The following MYOM3 variants were observed in gnomAD, a reference collection of about 807,000 sequenced individuals.
MYOM3 encodes myomesin-3.
A neutral mutation model predicts 191.7 loss-of-function variants in MYOM3; 155 were observed. The ratio of observed to expected loss-of-function variants is 0.81; its 90% confidence interval spans 0.71 to 0.92. The LOEUF (loss-of-function observed/expected upper bound fraction) is 0.92, where lower values mean the gene tolerates loss of function less well. Ranked by LOEUF, MYOM3 falls within the 40% of genes least tolerant of loss-of-function variation. MYOM3 has a pLI of 0.00. For missense variants in MYOM3, 1,889 were observed against 1,890.6 expected, an observed-to-expected ratio of 1.00 and a Z score of 0.02; for synonymous variants, 757 against 762.9, an observed-to-expected ratio of 0.99 and a Z score of 0.13.
chr1:24,100,507 C>T (rs1643904271), intron 5 of MYOM3, among the ~76,000 whole-genome samples: 1 of 152,054 alleles, frequency 6.6e-6, no homozygotes, highest in Non-Finnish European at 1.5e-5. Context: ...GAAGGAACCC[C>T]AGACCCCTGC....
At position 24,081,328 on chromosome 1, in the gene MYOM3, A is replaced by T; in HGVS notation, c.2407+2T>A. On this transcript the variant is annotated splice_donor_variant, in intron 19 of 36. Coordinates refer to ENST00000374434, the MANE Select transcript of MYOM3 (RefSeq NM_152372.4). LOFTEE classifies it high-confidence loss of function. ...TGGACTTCAGGCCTGCAGGCCTCTCACCTGGCTGGGGCATTGTCCACTCTT... is the reference window on the plus strand; with the variant it reads ...TGGACTTCAGGCCTGCAGGCCTCTCTCCTGGCTGGGGCATTGTCCACTCTT... 1 of 1,613,570 alleles carries T rather than the reference A, an allele frequency of 6.2e-7. No individual in the cohort carries two copies. Among genetic ancestry groups the T allele is most frequent in the Non-Finnish European group, 8.5e-7 (1 of 1,179,972 alleles).
intron 19 of MYOM3, 72 bp downstream of exon 19, chr1:24,081,258 C>T: frequency 6.4e-7 from 1 of 1,566,794 alleles, no homozygotes; most frequent in Middle Eastern, 2.3e-4. Context: ...GAGCGGCAAC[C>T]TTCATCTCAT....
intron 35 of MYOM3, among the ~76,000 whole-genome samples, chr1:24,059,507 T>G (rs7549149): frequency 0.31 from 46,403 of 152,062 alleles, 8,222 homozygotes; most frequent in African/African-American, 0.48. Context: ...GACATAGTGT[T>G]TTTCTGCCAC....
chr1:24,082,704 G>C lies in MYOM3; in HGVS notation c.1981C>G (p.Pro661Ala). The stretch of plus-strand genomic sequence containing the variant: ...TACTCCTTCCCCGTCCTCAGCCCGG[G>C]AACTGTAAACCTGGGAGAGAAATGT... ...KPIQGTRFTVPGLRTGKEYEF... is the reference protein window; with the variant it reads ...KPIQGTRFTVAGLRTGKEYEF... Residue 661 changes from proline to alanine, a missense_variant, in exon 17 of 37, where the codon CCC (proline) becomes GCC (alanine). Pro to Ala is a conservative substitution (Grantham distance 27). Coordinates refer to ENST00000374434, the MANE Select transcript of MYOM3 (RefSeq NM_152372.4). The C allele has an allele frequency of 6.2e-7, 1 of 1,605,338 alleles. No individual in the cohort carries two copies.
rs143532465 is a variant in MYOM3 at position 24,092,304 on chromosome 1, C to T, written c.1102G>A (p.Glu368Lys). Residue 368 changes from glutamate (E) to lysine (K), a missense_variant, in exon 11 of 37, where the codon GAG becomes AAG. Glu to Lys is a moderately conservative substitution (Grantham distance 56). Coordinates refer to ENST00000374434, the MANE Select transcript of MYOM3 (RefSeq NM_152372.4). ...TYVLVRDAEA[E>K]NPGAPGSPLN... ...GGGGAGCCTGGGGCCCCGGGGTTCT[C>T]GGCCTCGGCATCTGAAACCCGGGGG... 1.0e-4 allele frequency: 141 copies of T among 1,353,710 alleles called. 1 individual carries two copies. Among genetic ancestry groups the T allele is most frequent in the Middle Eastern group, 9.6e-4 (4 of 4,178 alleles). 83.9% of individuals were successfully genotyped at this position (1,353,710 alleles called of 1,614,324 possible). A position where few individuals can be genotyped will look rare whatever the true frequency, so the allele number is the denominator to read the frequency against.
chr1:24,065,805 G>T, intron 29 of MYOM3, 86 bp downstream of exon 29: 1 of 1,028,256 alleles, frequency 9.7e-7, no homozygotes, highest in Non-Finnish European at 1.6e-6. Flanking sequence ...CCTCGGCCCT[G>T]CCCTGACTCC....
At chr1:24,098,056 C>T in intron 6 of MYOM3, 45 bp from the exon 7 acceptor site, 1 of 1,263,078 alleles carries the variant, frequency 7.9e-7, no homozygotes, top group Non-Finnish European at 1.2e-6. Flanking sequence ...CTGCTGGGCT[C>T]CATGGGAAAC....
chr1:24,090,764 T>C, intron 12 of MYOM3, 33 bp downstream of exon 12: 1 of 1,608,372 alleles, frequency 6.2e-7, no homozygotes, highest in East Asian at 2.2e-5. Flanking sequence ...CTGACTGATG[T>C]TCTAGAAAGT....
intron 20 of MYOM3, among the ~76,000 whole-genome samples, chr1:24,077,186 T>C (rs911176520): frequency 6.6e-6 from 1 of 152,204 alleles, no homozygotes; most frequent in African/African-American, 2.4e-5. Context: ...TGATTGAGGC[T>C]TTGTTTCTCC....
intron 27 of MYOM3, 50 bp downstream of exon 27, chr1:24,067,920 A>T: frequency 6.3e-7 from 1 of 1,578,086 alleles, no homozygotes; most frequent in Non-Finnish European, 8.7e-7. Context: ...CAGCATCTCT[A>T]GCACGAACCA....
Position 24,063,360 on chromosome 1 carries a change from G to T in MYOM3, c.3662-126C>A, listed in dbSNP as rs750634446. On this transcript the variant is annotated intron_variant, in intron 31 of 36. Coordinates refer to ENST00000374434, the MANE Select transcript of MYOM3 (RefSeq NM_152372.4). This position sits in a 1 kb window ranked among gnomAD's most constrained non-coding sequence, Gnocchi z 4.5. ...GGGGGAAATGCAGTGCTGTGAAGAG[G>T]CGGGATTTTCTCTTCGGTGTTTGAG... 52 of 1,384,108 alleles carry T rather than the reference G, an allele frequency of 3.8e-5. No homozygotes were observed. The highest frequency in any genetic ancestry group is 5.3e-5 in the Non-Finnish European group (52 of 974,548). The allele number at this position is 1,384,108 out of a possible 1,614,324, so 85.7% of individuals were successfully genotyped here. A position where few individuals can be genotyped will look rare whatever the true frequency, so the allele number is the denominator to read the frequency against.
At chr1:24,092,372 C>A (rs1298663747) in intron 10 of MYOM3, 57 bp from the exon 11 acceptor site, 1 of 1,320,178 alleles carries the variant, frequency 7.6e-7, no homozygotes, top group East Asian at 2.8e-5. Context: ...TGGTGACAGG[C>A]CCTTCCCACT....
intron 28 of MYOM3, chr1:24,066,392 T>C (rs1253812949): frequency 1.9e-5 from 12 of 619,852 alleles, no homozygotes; most frequent in Non-Finnish European, 2.9e-5. Context: ...TCATCATCTT[T>C]GTACGTTCAG....
chr1:24,083,228 C>G (rs1643696041), intron 16 of MYOM3: 1 of 152,308 alleles, frequency 6.6e-6, no homozygotes, highest in Non-Finnish European at 1.5e-5. Flanking sequence ...ACCTCTTTCT[C>G]TCTCTTCACC....
At position 24,058,946 on chromosome 1, in the gene MYOM3, A is replaced by C; in HGVS notation, c.4028T>G (p.Val1343Gly). 6.2e-7 allele frequency: 1 copy of C among 1,612,064 alleles called. No individual in the cohort carries two copies. The highest frequency in any genetic ancestry group is 8.5e-7 in the Non-Finnish European group (1 of 1,179,352). ...RAKVVRGLPD[V>G]ATIMEDKTLC... ...TACCTTATCTTCCATGATAGTGGCC[A>C]CATCCGGCAGACCTCTCACCACTTT... The change falls in exon 36 of 37, where the codon GTG becomes GGG. Residue 1343 changes from valine (V) to glycine (G), a missense_variant. Coordinates refer to ENST00000374434, the MANE Select transcript of MYOM3 (RefSeq NM_152372.4).
At chr1:24,076,068 G>T in intron 21 of MYOM3, 91 bp downstream of exon 21, 2 of 982,046 alleles carry the variant, frequency 2.0e-6, no homozygotes, top group Non-Finnish European at 1.6e-6. Context: ...GCCTAGCACA[G>T]CATCAGGCTT....
rs1479358690 is a variant in MYOM3, at chr1:24,071,131, TCTC to T, written c.3133_3135del (p.Glu1045del). 1.2e-6 allele frequency: 2 copies of T among 1,613,722 alleles called. No homozygotes were observed. Among genetic ancestry groups the T allele is most frequent in the Non-Finnish European group, 8.5e-7 (1 of 1,179,824 alleles). On this transcript the variant is annotated inframe_deletion, in exon 25 of 37. Transcript: ENST00000374434. ...CACCCAATTACCGGCGAGCTGAAGA[TCTC>T]CTTGTTGTTGAAGATTAGATGTAGC...
chr1:24,076,615 G>A (rs542325408), intron 20 of MYOM3, among the ~76,000 whole-genome samples: 1 of 84,512 alleles, frequency 1.2e-5, no homozygotes, highest in South Asian at 3.4e-4. Context: ...CCGGGTTCAC[G>A]CCATTCTCCT....
At position 24,063,965 on chromosome 1, in the gene MYOM3, A is replaced by G; in HGVS notation, c.3622+107T>C. 1 of 874,490 alleles carries G rather than the reference A, an allele frequency of 1.1e-6. No individual in the cohort carries two copies. The highest frequency in any genetic ancestry group is 1.8e-6 in the Non-Finnish European group (1 of 550,414). The allele number at this position is 874,490 out of a possible 1,614,324, so 54.2% of individuals were successfully genotyped here. A position where few individuals can be genotyped will look rare whatever the true frequency, so the allele number is the denominator to read the frequency against. ...AGTTACTTAATCTCTTTGTGCCTCA[A>G]TTTCTCCAAGTGACATGGGGATCCC... On this transcript the variant is annotated intron_variant, in intron 30 of 36. Transcript: ENST00000374434. The surrounding 1 kb of genome is among the most constrained non-coding windows in gnomAD (Gnocchi z 4.5).
Sources: gnomAD v4.1 joint callset for allele counts (sites outside exome capture counted in the v4.1 genomes callset) on GRCh38, gnomAD v4.1.1 for gene constraint, Gnocchi (gnomAD v3.1) non-coding constraint, MANE v1.5 for transcripts, NCBI Gene and HGNC (gene_info 2026-07-23, HGNC 2026-07-21) for gene names.